The following MAPK1IP1L variants were observed in gnomAD, a reference collection of about 807,000 sequenced individuals.
The protein encoded by MAPK1IP1L is mitogen-activated protein kinase 1 interacting protein 1 like.
In MAPK1IP1L, 10 loss-of-function variants were observed where a neutral mutation model predicts 18.1. That is an observed-to-expected ratio of 0.55 (90% CI 0.34 to 0.94). MAPK1IP1L has a LOEUF of 0.94. Among genes scored for constraint, MAPK1IP1L ranks in the 40% least tolerant of loss-of-function variants. The probability of loss-of-function intolerance (pLI) is 0.02; values close to 1 mark genes in which losing one functional copy is unlikely to be tolerated. For missense variants in MAPK1IP1L, 260 were observed against 318.2 expected, an observed-to-expected ratio of 0.82 and a Z score of 1.39; for synonymous variants, 115 against 117.3, an observed-to-expected ratio of 0.98 and a Z score of 0.13.
At chr14:55,064,587 A>G (rs2042847662) in intron 3 of MAPK1IP1L, 29 bp from the exon 4 acceptor site, 3 of 1,610,014 alleles carry the variant, frequency 1.9e-6, no homozygotes, top group Non-Finnish European at 1.7e-6. Context: ...CAAAATCTAG[A>G]AGTTGACTTT....
At chr14:55,061,467 A>G (rs1436286323) in intron 1 of MAPK1IP1L, among the ~76,000 whole-genome samples, 5 of 152,254 alleles carry the variant, frequency 3.3e-5, no homozygotes, top group African/African-American at 1.2e-4. Context: ...TCATTTTTGT[A>G]TGATGTGCAG....
chr14:55,062,278 G>A (rs2042823819), intron 2 of MAPK1IP1L, among the ~76,000 whole-genome samples: 2 of 152,146 alleles, frequency 1.3e-5, no homozygotes, highest in African/African-American at 4.8e-5. Context: ...CTCCTTTGAG[G>A]TTAAGCCAGG....
At chr14:55,055,673 C>T (rs1304608257) in intron 1 of MAPK1IP1L, among the ~76,000 whole-genome samples, 1 of 152,074 alleles carries the variant, frequency 6.6e-6, no homozygotes, top group Non-Finnish European at 1.5e-5. Context: ...TGGTTCATGC[C>T]TAATCCCAGC....
At position 55,063,220 on chromosome 14, in the gene MAPK1IP1L, C is replaced by T. The variant is rs750130322; in HGVS notation, c.621C>T (p.Ala207=). ...GAWGPPAPYP[A]PTGSYPTPGL... is the part of the protein sequence containing the mutation. ...GGGGACCACCAGCACCATATCCTGC[C>T]CCTACAGGATCGTATCCCACACCAG... The change falls in exon 3 of 4, where the codon GCC becomes GCT. Residue 207 remains alanine (A), a synonymous_variant. Transcript: ENST00000395468. 12 of 1,614,138 alleles carry T rather than the reference C, an allele frequency of 7.4e-6. 1 individual carries two copies. The highest frequency in any genetic ancestry group is 1.7e-4 in the Middle Eastern group (1 of 6,060).
At chr14:55,052,398 T>A (rs576796708) in intron 1 of MAPK1IP1L, among the ~76,000 whole-genome samples, 2 of 152,310 alleles carry the variant, frequency 1.3e-5, no homozygotes, top group African/African-American at 4.8e-5. Flanking sequence ...ACGGATACAT[T>A]AGATGAATAC....
chr14:55,051,744 G>C lies in MAPK1IP1L; in HGVS notation c.-64G>C, dbSNP rs534854943. ...GTCAGGCTGCGCCCGCGTCTTCAGG[G>C]CCCAGTCCCTCGGACCCATCGCCGC... On this transcript the variant is annotated 5_prime_UTR_variant, in exon 1 of 4. Transcript: ENST00000395468. 1 of 515,860 alleles carries C rather than the reference G, an allele frequency of 1.9e-6. No homozygotes were observed. The highest frequency in any genetic ancestry group is 3.9e-6 in the Non-Finnish European group (1 of 259,288). The allele number at this position is 515,860 out of a possible 1,614,324, so 32.0% of individuals were successfully genotyped here.
In MAPK1IP1L at chr14:55,065,320, A is replaced by G. The variant is rs2042853656; in HGVS notation, c.*693A>G. ...TTTTTTGTTTTTAATCCAGGCCAACATGTATGTAAATTAAATTTTTAGATA... is the reference window on the plus strand; with the variant it reads ...TTTTTTGTTTTTAATCCAGGCCAACGTGTATGTAAATTAAATTTTTAGATA... On this transcript the variant is annotated 3_prime_UTR_variant, in exon 4 of 4. Transcript: ENST00000395468. 6.6e-6 allele frequency: 1 copy of G among 152,190 alleles called. No individual in the cohort carries two copies. Among genetic ancestry groups the G allele is most frequent in the Non-Finnish European group, 1.5e-5 (1 of 68,036 alleles). The allele number at this position is 152,190 out of a possible 1,614,324, so 9.4% of individuals were successfully genotyped here. A position where few individuals can be genotyped will look rare whatever the true frequency, so the allele number is the denominator to read the frequency against.
chr14:55,060,073 T>C (rs1396799253), intron 1 of MAPK1IP1L, among the ~76,000 whole-genome samples: 1 of 151,912 alleles, frequency 6.6e-6, no homozygotes, highest in East Asian at 1.9e-4. Context: ...ATTGATAGAT[T>C]TGATGACATG....
intron 1 of MAPK1IP1L, among the ~76,000 whole-genome samples, chr14:55,059,248 CAGT>C (rs1476149948): frequency 5.3e-5 from 5 of 93,882 alleles, no homozygotes; most frequent in African/African-American, 1.2e-4. Context: ...AAAAAAAAGA[CAGT>C]AGGGTGACTC....
At chr14:55,057,944 TTGAA>T (rs1256842662) in intron 1 of MAPK1IP1L, among the ~76,000 whole-genome samples, 2 of 151,766 alleles carry the variant, frequency 1.3e-5, no homozygotes, top group African/African-American at 2.4e-5. Flanking sequence ...CAAAAAAAAA[TTGAA>T]TGAATGTGAG....
At chr14:55,056,140 A>G (rs2042769733) in intron 1 of MAPK1IP1L, among the ~76,000 whole-genome samples, 2 of 152,192 alleles carry the variant, frequency 1.3e-5, no homozygotes, top group Admixed American at 1.3e-4. Context: ...TTGTTTTTTA[A>G]TCACAAGATT....
Position 55,062,934 on chromosome 14 carries a change from C to T in MAPK1IP1L, c.335C>T (p.Pro112Leu), listed in dbSNP as rs766135300. Residue 112 changes from proline (P) to leucine (L), a missense_variant, in exon 3 of 4, where the codon CCC becomes CTC. Physicochemically the swap from Pro to Leu is moderately conservative, Grantham distance 98. Coordinates refer to ENST00000395468, the MANE Select transcript of MAPK1IP1L (RefSeq NM_144578.4). ...GCCCCAACTGTGCCGGGCCCTGGCC[C>T]CACAGGGCCATATCCTACACCAAAT... is the stretch of plus-strand genomic sequence containing the variant. ...YPAPTVPGPG[P>L]TGPYPTPNMP... 5 of 1,614,044 alleles carry T rather than the reference C, an allele frequency of 3.1e-6. No homozygotes were observed. The South Asian group carries it at 4.4e-5, about 14-fold the overall frequency.
At chr14:55,061,657 C>A in intron 1 of MAPK1IP1L, 23 bp from the exon 2 acceptor site, 1 of 1,524,224 alleles carries the variant, frequency 6.6e-7, no homozygotes, top group Non-Finnish European at 8.9e-7. Flanking sequence ...TTCTTTCTTC[C>A]TTCATTTCTT....
In MAPK1IP1L at chr14:55,067,416, C is replaced by CTT. The variant is rs767871783; in HGVS notation, c.*2798_*2799dup. 5 of 146,462 alleles carry CTT rather than the reference C, an allele frequency of 3.4e-5. No individual in the cohort carries two copies. The highest frequency in any genetic ancestry group is 1.0e-4 in the African/African-American group (4 of 40,030). The allele number at this position is 146,462 out of a possible 1,614,324, so 9.1% of individuals were successfully genotyped here. On this transcript the variant is annotated 3_prime_UTR_variant, in exon 4 of 4. Transcript: ENST00000395468. ...TCAAGAAAGGCTTTTTTCCTTTTTTCTTTTTTTTTTGGAGACAGAGTCTTG... is the reference window on the plus strand; with the variant it reads ...TCAAGAAAGGCTTTTTTCCTTTTTTCTTTTTTTTTTTTGGAGACAGAGTCTTG...
chr14:55,060,158 T>TA (rs2042805173), intron 1 of MAPK1IP1L, among the ~76,000 whole-genome samples: 1 of 32,618 alleles, frequency 3.1e-5, no homozygotes, highest in Non-Finnish European at 5.3e-5. Flanking sequence ...GGAGAAATTT[T>TA]TTTTTTTTTT....
Position 55,062,703 on chromosome 14 carries a change from C to G in MAPK1IP1L, c.104C>G (p.Pro35Arg). 1 of 1,614,176 alleles carries G rather than the reference C, an allele frequency of 6.2e-7. No individual in the cohort carries two copies. The highest frequency in any genetic ancestry group is 8.5e-7 in the Non-Finnish European group (1 of 1,180,026). The part of the protein sequence containing the change: ...TKPGQPPQGW[P>R]GSNPWNNPSA... ...CCTGGCCAACCTCCTCAAGGCTGGC[C>G]AGGCTCCAACCCTTGGAATAATCCG... is the stretch of plus-strand genomic sequence containing the variant. Residue 35 changes from proline (P) to arginine (R), a missense_variant, in exon 3 of 4, where the codon CCA becomes CGA. By Grantham distance (103) the Pro-to-Arg change is moderately radical. Coordinates refer to ENST00000395468, the MANE Select transcript of MAPK1IP1L (RefSeq NM_144578.4).
Position 55,066,803 on chromosome 14 carries a change from A to C in MAPK1IP1L, c.*2176A>C, listed in dbSNP as rs1309233025. ...ATTATTACTCCCTATAAGTATAATA[A>C]TTTTGCTAGTGACCCATACTGTCCA... On this transcript the variant is annotated 3_prime_UTR_variant, in exon 4 of 4. Transcript: ENST00000395468. 6.6e-6 allele frequency: 1 copy of C among 152,088 alleles called. No homozygotes were observed. 9.4% of individuals were successfully genotyped at this position (152,088 alleles called of 1,614,324 possible). A position where few individuals can be genotyped will look rare whatever the true frequency, so the allele number is the denominator to read the frequency against.
chr14:55,062,374 T>C (rs1290737209), intron 2 of MAPK1IP1L, among the ~76,000 whole-genome samples: 1 of 152,196 alleles, frequency 6.6e-6, no homozygotes, highest in Admixed American at 6.5e-5. Context: ...TGAAGCACAA[T>C]ATGATTAGTT....
chr14:55,058,983 A>G (rs1380814103), intron 1 of MAPK1IP1L, among the ~76,000 whole-genome samples: 1 of 151,938 alleles, frequency 6.6e-6, no homozygotes, highest in Non-Finnish European at 1.5e-5. Context: ...CAAATACTAC[A>G]CCATTTTATA....
Sources: allele counts gnomAD v4.1 joint callset (sites outside exome capture counted in the v4.1 genomes callset), GRCh38; gene constraint gnomAD v4.1.1; transcripts MANE v1.5; gene names NCBI Gene and HGNC (gene_info 2026-07-23, HGNC 2026-07-21).